The following TSHR variants were observed in gnomAD, a reference collection of about 807,000 sequenced individuals.
TSHR encodes the protein thyroid stimulating hormone receptor.
In TSHR, 51 loss-of-function variants were observed where a neutral mutation model predicts 64.1. The ratio of observed to expected loss-of-function variants is 0.80; its 90% confidence interval spans 0.64 to 1.01. The LOEUF is 1.01. Ranked by LOEUF, TSHR falls within the 50% of genes least tolerant of loss-of-function variation. TSHR has a pLI of 0.00. For missense variants in TSHR, 877 were observed against 942.8 expected, an observed-to-expected ratio of 0.93 and a Z score of 0.91; for synonymous variants, 361 against 361.9, an observed-to-expected ratio of 1.00 and a Z score of 0.03.
At chr14:81,058,551 T>TC (rs1269852786) in intron 1 of TSHR, among the ~76,000 whole-genome samples, 1 of 152,210 alleles carries the variant, frequency 6.6e-6, no homozygotes, top group African/African-American at 2.4e-5. Flanking sequence ...GAGGTTTTTT[T>TC]CTCATATTTT....
At chr14:81,077,922 A>C (rs1038739477) in intron 3 of TSHR, among the ~76,000 whole-genome samples, 1 of 151,618 alleles carries the variant, frequency 6.6e-6, no homozygotes, top group Non-Finnish European at 1.5e-5. Flanking sequence ...AAATAATATT[A>C]TGTTACTCCA....
chr14:80,987,307 T>G (rs575265661), intron 1 of TSHR, among the ~76,000 whole-genome samples: 41 of 152,308 alleles, frequency 2.7e-4, no homozygotes, highest in African/African-American at 8.4e-4. Flanking sequence ...ATGAGGCAAT[T>G]TGCTAAAGCA....
chr14:81,033,557 GT>G (rs373369704), intron 1 of TSHR, among the ~76,000 whole-genome samples: 2,959 of 102,060 alleles, frequency 0.029, 36 homozygotes, highest in Middle Eastern at 0.042. Context: ...TAAAATCAGG[GT>G]TTTTTTTTTT....
At chr14:81,038,109 T>G (rs1417608817) in intron 1 of TSHR, among the ~76,000 whole-genome samples, 3 of 151,998 alleles carry the variant, frequency 2.0e-5, no homozygotes, top group African/African-American at 4.8e-5. Flanking sequence ...AACAAATTTT[T>G]AAAAATCAAA....
chr14:81,090,358 C>T (rs929433922), intron 4 of TSHR, among the ~76,000 whole-genome samples: 1 of 152,178 alleles, frequency 6.6e-6, no homozygotes, highest in Non-Finnish European at 1.5e-5. Context: ...GATTCTCATG[C>T]CTCAGCCTCC....
intron 1 of TSHR, among the ~76,000 whole-genome samples, chr14:81,036,258 T>C (rs1020141552): frequency 6.6e-6 from 1 of 152,172 alleles, no homozygotes; most frequent in Non-Finnish European, 1.5e-5. Context: ...CCAAACAGAT[T>C]CAACCCAAAG....
chr14:81,108,501 T>TTTTCTTCTTTTTAC, intron 8 of TSHR, 49 bp downstream of exon 8: 1 of 1,504,824 alleles, frequency 6.6e-7, no homozygotes. Context: ...TTTCTTTTTT[T>TTTTCTTCTTTTTAC]TTTTTTGGAA....
At chr14:80,984,620 C>T (rs1239224690) in intron 1 of TSHR, among the ~76,000 whole-genome samples, 7 of 152,180 alleles carry the variant, frequency 4.6e-5, no homozygotes, top group East Asian at 1.9e-4. Flanking sequence ...TTTGAGGCGA[C>T]GGCCTTCAAA....
At chr14:81,063,225 C>G (rs146100948) in intron 2 of TSHR, among the ~76,000 whole-genome samples, 2 of 152,206 alleles carry the variant, frequency 1.3e-5, no homozygotes, top group African/African-American at 4.8e-5. Flanking sequence ...ATTGCTCTCT[C>G]ATTCCTCTTC....
At chr14:81,060,247 A>G (rs887017695) in intron 1 of TSHR, among the ~76,000 whole-genome samples, 2 of 152,064 alleles carry the variant, frequency 1.3e-5, no homozygotes, top group Non-Finnish European at 1.5e-5. Flanking sequence ...CTTAAACTCA[A>G]TCGCCTTGGG....
intron 1 of TSHR, among the ~76,000 whole-genome samples, chr14:81,005,619 C>T (rs1889562456): frequency 6.6e-6 from 1 of 151,990 alleles, no homozygotes. Context: ...ATGTCATATC[C>T]CCCAGGATGC....
intron 3 of TSHR, among the ~76,000 whole-genome samples, chr14:81,081,884 C>T (rs550640981): frequency 6.6e-6 from 1 of 152,072 alleles, no homozygotes; most frequent in South Asian, 2.1e-4. Flanking sequence ...TAATCTCTTC[C>T]CACTCTAACC....
intron 5 of TSHR, 34 bp from the exon 6 acceptor site, chr14:81,092,497 T>C (rs762693317): frequency 1.2e-6 from 2 of 1,605,528 alleles, no homozygotes; most frequent in East Asian, 4.5e-5. Flanking sequence ...GAAAGCATTT[T>C]TTCATTAAGT....
chr14:80,989,858 G>A (rs1249883956), intron 1 of TSHR, among the ~76,000 whole-genome samples: 1 of 152,168 alleles, frequency 6.6e-6, no homozygotes, highest in East Asian at 1.9e-4. Context: ...AAGAGTAAAT[G>A]TCTTGCTCAA....
At chr14:80,986,552 T>A (rs1039844589) in intron 1 of TSHR, among the ~76,000 whole-genome samples, 4 of 152,196 alleles carry the variant, frequency 2.6e-5, no homozygotes, top group African/African-American at 9.7e-5. Context: ...AATGGCGCAG[T>A]CTCGGCTCAC....
intron 8 of TSHR, among the ~76,000 whole-genome samples, chr14:81,109,101 CT>C (rs1890105702): frequency 6.6e-6 from 1 of 152,158 alleles, no homozygotes; most frequent in African/African-American, 2.4e-5. Flanking sequence ...TGAGCATCCA[CT>C]CTAGTCCTTG....
chr14:81,011,464 G>A (rs1433300768), intron 1 of TSHR, among the ~76,000 whole-genome samples: 2 of 152,060 alleles, frequency 1.3e-5, no homozygotes, highest in East Asian at 1.9e-4. Context: ...GCTATTCACA[G>A]TATTCTTTTA....
At chr14:80,980,042 AG>A (rs1235190367) in intron 1 of TSHR, among the ~76,000 whole-genome samples, 5 of 152,162 alleles carry the variant, frequency 3.3e-5, no homozygotes, top group African/African-American at 1.2e-4. Context: ...TTCTCTTTGC[AG>A]GCAGATCTTT....
chr14:81,022,261 C>T (rs1883803303), intron 1 of TSHR, among the ~76,000 whole-genome samples: 1 of 152,100 alleles, frequency 6.6e-6, no homozygotes, highest in Non-Finnish European at 1.5e-5. Context: ...CAGAGCGAGA[C>T]TCCGTCTCAA....
Sources: allele counts gnomAD v4.1 joint callset (sites outside exome capture counted in the v4.1 genomes callset), GRCh38; gene constraint gnomAD v4.1.1; transcripts MANE v1.5; gene names NCBI Gene and HGNC (gene_info 2026-07-23, HGNC 2026-07-21).